The following KPNA3 variants were observed in gnomAD, a reference collection of about 807,000 sequenced individuals.
The protein encoded by KPNA3 is karyopherin subunit alpha 3.
Under a neutral mutation model 73.8 loss-of-function variants are expected in KPNA3, and 13 were observed. That is an observed-to-expected ratio of 0.18 (90% CI 0.11 to 0.28). KPNA3 has a LOEUF of 0.28. Among genes scored for constraint, KPNA3 ranks in the 10% least tolerant of loss-of-function variants. The probability of loss-of-function intolerance (pLI) is 1.00; values close to 1 mark genes in which losing one functional copy is unlikely to be tolerated. For synonymous variants in KPNA3, 186 were observed against 206.9 expected (o/e 0.90, Z 0.87); for missense variants, 360 against 618.1 (o/e 0.58, Z 4.43).
At chr13:49,738,005 T>C (rs1054153637) in intron 2 of KPNA3, among the ~76,000 whole-genome samples, 20 of 152,176 alleles carry the variant, frequency 1.3e-4, no homozygotes, top group African/African-American at 4.6e-4. Flanking sequence ...ATCCAGAAAA[T>C]TCTCTATGTT....
At chr13:49,722,411 T>C (rs1327941333) in intron 8 of KPNA3, 66 bp downstream of exon 8, 4 of 1,040,064 alleles carry the variant, frequency 3.8e-6, no homozygotes, top group Non-Finnish European at 5.9e-6. Context: ...TAGTATGTAA[T>C]GGCTATGCCA....
At chr13:49,716,085 A>G (rs1478342910) in intron 10 of KPNA3, among the ~76,000 whole-genome samples, 2 of 152,184 alleles carry the variant, frequency 1.3e-5, no homozygotes, top group Non-Finnish European at 1.5e-5. Flanking sequence ...CTCCATGACA[A>G]TATCTCAAAG....
At chr13:49,712,586 A>G (rs2137536777) in intron 10 of KPNA3, among the ~76,000 whole-genome samples, 1 of 152,234 alleles carries the variant, frequency 6.6e-6, no homozygotes, top group South Asian at 2.1e-4. Context: ...GAGACCCTAC[A>G]AGGAAAGGCG....
Position 49,732,771 on chromosome 13 carries a change from A to G in KPNA3, c.210T>C (p.Asn70=). The stretch of plus-strand genomic sequence containing the variant: ...CCTGCAATATAGCTTCTAGGGTTAC[A>G]TTTTGCTTAAAAAGAAAAAAAAAAT... ...SDVDADFKAQ[N]VTLEAILQNA... is the part of the protein sequence containing the mutation. Residue 70 remains asparagine, a synonymous_variant, in exon 4 of 17, where the codon AAT becomes AAC. Coordinates refer to ENST00000261667, the MANE Select transcript of KPNA3 (RefSeq NM_002267.4). 1 of 1,569,664 alleles carries G rather than the reference A, an allele frequency of 6.4e-7. No individual in the cohort carries two copies. Among genetic ancestry groups the G allele is most frequent in the Non-Finnish European group, 8.7e-7 (1 of 1,149,956 alleles).
intron 1 of KPNA3, among the ~76,000 whole-genome samples, chr13:49,768,272 C>T (rs1594457845): frequency 1.7e-5 from 2 of 118,524 alleles, no homozygotes; most frequent in East Asian, 6.1e-4. Context: ...GTGCGAGACT[C>T]TGTCTCAAAA....
At chr13:49,782,120 T>C (rs1235422657) in intron 1 of KPNA3, among the ~76,000 whole-genome samples, 1 of 152,154 alleles carries the variant, frequency 6.6e-6, no homozygotes, top group Non-Finnish European at 1.5e-5. Flanking sequence ...CATTAATTAA[T>C]CAGAGGCAGG....
chr13:49,709,290 T>G (rs953827308), intron 12 of KPNA3, among the ~76,000 whole-genome samples: 23 of 150,766 alleles, frequency 1.5e-4, no homozygotes, highest in Non-Finnish European at 1.6e-4. Flanking sequence ...AGTCCCAGCT[T>G]CTCGGGAGGC....
At chr13:49,745,697 A>T (rs1954610755) in intron 2 of KPNA3, among the ~76,000 whole-genome samples, 1 of 152,176 alleles carries the variant, frequency 6.6e-6, no homozygotes, top group South Asian at 2.1e-4. Context: ...TTAGGAGTGA[A>T]TTACATGAGG....
intron 2 of KPNA3, among the ~76,000 whole-genome samples, chr13:49,733,753 G>C (rs1954493861): frequency 1.3e-5 from 2 of 152,190 alleles, no homozygotes; most frequent in Non-Finnish European, 2.9e-5. Flanking sequence ...ACACATCAGG[G>C]ACAGGTTCTC....
chr13:49,709,764 C>T (rs1566333352), intron 11 of KPNA3, 64 bp from the exon 12 acceptor site: 5 of 1,488,092 alleles, frequency 3.4e-6, no homozygotes, highest in Non-Finnish European at 3.6e-6. Context: ...CTATATTTTT[C>T]ATAATCCTGA....
intron 1 of KPNA3, among the ~76,000 whole-genome samples, chr13:49,747,215 G>T (rs1317617469): frequency 2.0e-5 from 3 of 152,046 alleles, no homozygotes; most frequent in African/African-American, 7.2e-5. Context: ...CTTGGTGGCA[G>T]GCACCTGTAA....
chr13:49,788,607 T>G (rs1486145080), intron 1 of KPNA3, among the ~76,000 whole-genome samples: 28 of 151,826 alleles, frequency 1.8e-4, no homozygotes, highest in Admixed American at 1.7e-3. Flanking sequence ...TAGTCCCAGC[T>G]ACTCAAGAGG....
chr13:49,764,572 TC>T (rs1322183827), intron 1 of KPNA3, among the ~76,000 whole-genome samples: 8 of 152,012 alleles, frequency 5.3e-5, no homozygotes. Context: ...TCCTCCCCAA[TC>T]CCAAGATCCC....
At chr13:49,774,867 A>C (rs1954883779) in intron 1 of KPNA3, among the ~76,000 whole-genome samples, 1 of 152,158 alleles carries the variant, frequency 6.6e-6, no homozygotes, top group Non-Finnish European at 1.5e-5. Context: ...CATTATGAAA[A>C]TATTCGGCCA....
intron 1 of KPNA3, among the ~76,000 whole-genome samples, chr13:49,784,983 A>C (rs1239959419): frequency 2.0e-5 from 3 of 152,192 alleles, no homozygotes; most frequent in Non-Finnish European, 2.9e-5. Context: ...AGAGTTGAGT[A>C]TTTAAAAGTG....
intron 1 of KPNA3, among the ~76,000 whole-genome samples, chr13:49,751,833 A>G (rs1271260840): frequency 1.3e-5 from 2 of 152,134 alleles, no homozygotes; most frequent in South Asian, 2.1e-4. Flanking sequence ...GCTTCAGCCC[A>G]GGAGGTCAAG....
intron 7 of KPNA3, among the ~76,000 whole-genome samples, chr13:49,723,867 T>TC (rs1954383427): frequency 3.7e-5 from 5 of 133,540 alleles, no homozygotes; most frequent in Non-Finnish European, 8.5e-5. Context: ...AGACTCCGTC[T>TC]TAAAAAAAAA....
intron 1 of KPNA3, among the ~76,000 whole-genome samples, chr13:49,782,027 T>C (rs991440123): frequency 1.3e-5 from 2 of 152,154 alleles, no homozygotes; most frequent in Admixed American, 6.6e-5. Context: ...ATGAATCAAT[T>C]AGGTCTCAGT....
At chr13:49,722,682 G>A in intron 7 of KPNA3, 119 bp from the exon 8 acceptor site, 1 of 596,676 alleles carries the variant, frequency 1.7e-6, no homozygotes, top group Non-Finnish European at 2.9e-6. Context: ...GAACAAATGT[G>A]GCAAATATCT....
Sources: allele counts gnomAD v4.1 joint callset (sites outside exome capture counted in the v4.1 genomes callset), GRCh38; gene constraint gnomAD v4.1.1; transcripts MANE v1.5; gene names NCBI Gene and HGNC (gene_info 2026-07-23, HGNC 2026-07-21).